The following IPO11 variants were observed in gnomAD, a reference collection of about 807,000 sequenced individuals.
IPO11 encodes the protein importin 11.
In IPO11, 66 loss-of-function variants were observed where a neutral mutation model predicts 143.2. The ratio of observed to expected loss-of-function variants is 0.46; its 90% CI spans 0.38 to 0.57. The LOEUF (loss-of-function observed/expected upper bound fraction) is 0.57, where lower values mean the gene tolerates loss of function less well. IPO11 is among the 20% of genes least tolerant of loss of function. The probability of loss-of-function intolerance (pLI) is 0.00; values close to 1 mark genes in which losing one functional copy is unlikely to be tolerated. For missense variants in IPO11, 1,026 were observed against 1,141.0 expected, an observed-to-expected ratio of 0.90 and a Z score of 1.45; for synonymous variants, 385 against 377.8, an observed-to-expected ratio of 1.02 and a Z score of -0.22.
At chr5:62,487,674 T>G in intron 12 of IPO11, 97 bp from the exon 13 acceptor site, 1 of 1,216,898 alleles carries the variant, frequency 8.2e-7, no homozygotes, top group Non-Finnish European at 1.1e-6. Context: ...ATTTTCAAAG[T>G]TTTAGAATTT....
At chr5:62,480,032 G>A (rs926278754) in intron 9 of IPO11, among the ~76,000 whole-genome samples, 2 of 152,102 alleles carry the variant, frequency 1.3e-5, no homozygotes, top group Non-Finnish European at 2.9e-5. Context: ...TGTCCTGAAT[G>A]GTACTGCCTA....
chr5:62,440,368 T>TTTTC lies in IPO11; in HGVS notation c.139-2615_139-2614insTTTC, dbSNP rs1353366205. ...CGTCCCCTTTTTTTTTTTTTTTTTT[T>TTTTC]ATCTGAGGTGGAGTCTCGCTGTGTT... is the stretch of plus-strand genomic sequence containing the variant. On this transcript the variant is annotated intron_variant, in intron 2 of 29. Transcript: ENST00000325324. Among the ~76,000 whole-genome samples, 47 of 147,952 alleles carry TTTTC rather than the reference T, an allele frequency of 3.2e-4. 2 individuals are homozygous for TTTTC. The highest frequency in any genetic ancestry group is 1.2e-3 in the African/African-American group (46 of 39,074).
At chr5:62,526,372 T>C (rs1742370606) in intron 21 of IPO11, 115 bp downstream of exon 21, 4 of 682,184 alleles carry the variant, frequency 5.9e-6, no homozygotes, top group South Asian at 5.4e-5. Context: ...ATGTAAACTC[T>C]GTTTCTTCAA....
chr5:62,523,691 A>C (rs191239498), intron 20 of IPO11, among the ~76,000 whole-genome samples: 89 of 152,344 alleles, frequency 5.8e-4, no homozygotes, highest in Non-Finnish European at 5.9e-5. Context: ...TAGGAAATAC[A>C]GGAAGAAGAA....
At chr5:62,441,823 T>C (rs953065317) in intron 2 of IPO11, among the ~76,000 whole-genome samples, 1 of 151,102 alleles carries the variant, frequency 6.6e-6, no homozygotes, top group Non-Finnish European at 1.5e-5. Context: ...GGCCGCTTTA[T>C]ATCTCTTAAA....
chr5:62,530,796 A>C lies in IPO11; in HGVS notation c.2089+11A>C. 6.3e-7 allele frequency: 1 copy of C among 1,591,574 alleles called. No homozygotes were observed. The highest frequency in any genetic ancestry group is 2.2e-5 in the East Asian group (1 of 44,684). On this transcript the variant is annotated intron_variant, in intron 22 of 29. Coordinates refer to ENST00000325324, the MANE Select transcript of IPO11 (RefSeq NM_016338.5). ...TGTCACCACTTCTTGGTATGTGTTA[A>C]AGCATAAACTTACTAATGTTTTTGA...
At chr5:62,467,101 A>G (rs570944844) in intron 5 of IPO11, 30 bp from the exon 6 acceptor site, 11 of 1,591,626 alleles carry the variant, frequency 6.9e-6, no homozygotes, top group East Asian at 2.2e-5. Flanking sequence ...ATAATACACT[A>G]TGAATAAATT....
At chr5:62,599,381 G>A (rs1745414401) in intron 28 of IPO11, among the ~76,000 whole-genome samples, 1 of 152,174 alleles carries the variant, frequency 6.6e-6, no homozygotes, top group African/African-American at 2.4e-5. Flanking sequence ...TTGATACCCT[G>A]AAGTAGAGAA....
intron 29 of IPO11, among the ~76,000 whole-genome samples, chr5:62,624,808 C>A (rs1196630469): frequency 1.3e-5 from 2 of 151,866 alleles, no homozygotes; most frequent in African/African-American, 4.8e-5. Flanking sequence ...CAGGGTGAAA[C>A]CCCGTCTCTA....
chr5:62,513,925 G>A (rs1741895820), intron 19 of IPO11, among the ~76,000 whole-genome samples: 1 of 150,596 alleles, frequency 6.6e-6, no homozygotes, highest in Non-Finnish European at 1.5e-5. Context: ...GGTCGCGGCC[G>A]GGCCGAGGCG....
intron 29 of IPO11, among the ~76,000 whole-genome samples, chr5:62,618,709 A>C (rs1248084238): frequency 2.0e-5 from 3 of 152,210 alleles, no homozygotes; most frequent in African/African-American, 7.2e-5. Flanking sequence ...AAAAAAAATT[A>C]AAAATAAACT....
At chr5:62,455,517 T>G (rs1745100088) in intron 5 of IPO11, among the ~76,000 whole-genome samples, 1 of 152,038 alleles carries the variant, frequency 6.6e-6, no homozygotes, top group African/African-American at 2.4e-5. Context: ...AGAGAGAGTG[T>G]CTCAAAAGAA....
At chr5:62,513,226 T>C (rs1446361158) in intron 19 of IPO11, among the ~76,000 whole-genome samples, 4 of 145,214 alleles carry the variant, frequency 2.8e-5, no homozygotes, top group Non-Finnish European at 4.5e-5. Context: ...GACCCCCCCA[T>C]CTCCCTCCCA....
chr5:62,537,242 G>A lies in IPO11; in HGVS notation c.2203G>A (p.Glu735Lys). ...YAVGLCQSFC[E>K]LLKEITTEGQ... ...AGTAGGTCTATGCCAGTCCTTTTGT[G>A]AACTTTTAAAGGAAATTACTACAGA... is the stretch of plus-strand genomic sequence containing the variant. Residue 735 changes from glutamate (E) to lysine (K), a missense_variant, in exon 24 of 30, where the codon GAA becomes AAA. By Grantham distance (56) the Glu-to-Lys change is moderately conservative. Coordinates refer to ENST00000325324, the MANE Select transcript of IPO11 (RefSeq NM_016338.5). The A allele has an allele frequency of 6.2e-7, 1 of 1,607,452 alleles. No individual in the cohort carries two copies. The highest frequency in any genetic ancestry group is 1.1e-5 in the South Asian group (1 of 90,322).
At chr5:62,552,148 A>G (rs1743410285) in intron 26 of IPO11, among the ~76,000 whole-genome samples, 1 of 152,016 alleles carries the variant, frequency 6.6e-6, no homozygotes, top group East Asian at 1.9e-4. Context: ...AAAAAAGACT[A>G]TATATGAGAT....
chr5:62,483,312 G>T lies in IPO11; in HGVS notation c.1021+19G>T, dbSNP rs1746277024. ...TTTGAAGGTAATTCCTTTATTGGCA[G>T]TTTAAAAGAATTATTTTAATCTTAA... On this transcript the variant is annotated intron_variant, in intron 10 of 29. Transcript: ENST00000325324. The T allele has an allele frequency of 1.4e-6, 2 of 1,404,960 alleles. No homozygotes were observed. Among genetic ancestry groups the T allele is most frequent in the African/African-American group, 1.5e-5 (1 of 68,824 alleles). The allele number at this position is 1,404,960 out of a possible 1,614,324, so 87.0% of individuals were successfully genotyped here.
At chr5:62,415,276 G>T (rs1402962015) in intron 1 of IPO11, among the ~76,000 whole-genome samples, 1 of 151,832 alleles carries the variant, frequency 6.6e-6, no homozygotes, top group Non-Finnish European at 1.5e-5. Context: ...CGGTTCTCCT[G>T]CCTCAGCCTC....
At chr5:62,522,371 A>C (rs1317457809) in intron 20 of IPO11, among the ~76,000 whole-genome samples, 1 of 150,066 alleles carries the variant, frequency 6.7e-6, no homozygotes, top group Non-Finnish European at 1.5e-5. Flanking sequence ...TGCAACCTCC[A>C]CCTCCAGAGT....
rs534112979 is a variant in IPO11 at position 62,484,278 on chromosome 5, G to A, written c.1174+116G>A. ...CAGCACTTTTGATCTGGAAATCTTG[G>A]TGTTTTAAAATTAACTTACTCTTTC... On this transcript the variant is annotated intron_variant, in intron 11 of 29. Coordinates refer to ENST00000325324, the MANE Select transcript of IPO11 (RefSeq NM_016338.5). The A allele has an allele frequency of 8.1e-5, 70 of 861,382 alleles. 2 individuals carry two copies. In the South Asian group the frequency reaches 2.0e-3, roughly 24 times the overall value. 53.4% of individuals were successfully genotyped at this position (861,382 alleles called of 1,614,324 possible). A position where few individuals can be genotyped will look rare whatever the true frequency, so the allele number is the denominator to read the frequency against.
Sources: allele counts gnomAD v4.1 joint callset (sites outside exome capture counted in the v4.1 genomes callset), GRCh38; gene constraint gnomAD v4.1.1; transcripts MANE v1.5; gene names NCBI Gene and HGNC (gene_info 2026-07-23, HGNC 2026-07-21).